DAPP1: variants seen among roughly 807,000 people sequenced by gnomAD.
The protein encoded by DAPP1 is dual adapter for phosphotyrosine and 3-phosphotyrosine and 3-phosphoinositide.
A neutral mutation model predicts 41.5 loss-of-function variants in DAPP1; 20 were observed. That is an observed-to-expected ratio of 0.48 (90% CI 0.34 to 0.70). DAPP1 has a LOEUF of 0.70. Among genes scored for constraint, DAPP1 ranks in the 30% least tolerant of loss-of-function variants. The probability of loss-of-function intolerance (pLI) is 0.01; values close to 1 mark genes in which losing one functional copy is unlikely to be tolerated. For synonymous variants in DAPP1, 113 were observed against 116.2 expected (o/e 0.97, Z 0.18); for missense variants, 233 against 333.4 (o/e 0.70, Z 2.35).
intron 4 of DAPP1, among the ~76,000 whole-genome samples, chr4:99,860,736 A>C (rs1724208170): frequency 6.6e-6 from 1 of 152,188 alleles, no homozygotes; most frequent in South Asian, 2.1e-4. Context: ...AATTTTTGTT[A>C]ATTTTGTTTC....
chr4:99,868,229 A>G lies in DAPP1; in HGVS notation c.*44A>G. 3.3e-6 allele frequency: 5 copies of G among 1,528,670 alleles called. No individual in the cohort carries two copies. Among genetic ancestry groups the G allele is most frequent in the Non-Finnish European group, 4.5e-6 (5 of 1,102,390 alleles). The allele number at this position is 1,528,670 out of a possible 1,614,324, so 94.7% of individuals were successfully genotyped here. On this transcript the variant is annotated 3_prime_UTR_variant, in exon 9 of 9. Transcript: ENST00000512369. ...TGCTCTGGCCCAGGAGCAAGGTGGA[A>G]TGTTTCCCTGACGCTGTGATCTGCA...
intron 3 of DAPP1, among the ~76,000 whole-genome samples, chr4:99,841,341 G>A (rs1723489920): frequency 6.6e-6 from 1 of 152,196 alleles, no homozygotes; most frequent in Non-Finnish European, 1.5e-5. Context: ...TCCCTGATGT[G>A]ACTCACACAG....
At chr4:99,822,711 CA>C (rs143752878) in intron 1 of DAPP1, among the ~76,000 whole-genome samples, 1,743 of 152,266 alleles carry the variant, frequency 0.011, 41 homozygotes, top group African/African-American at 0.039. Flanking sequence ...TGAGAAGCTT[CA>C]ACTTGGCTTT....
At chr4:99,834,567 C>A (rs896289540) in intron 1 of DAPP1, among the ~76,000 whole-genome samples, 1 of 152,126 alleles carries the variant, frequency 6.6e-6, no homozygotes, top group Non-Finnish European at 1.5e-5. Context: ...ATGACAATAG[C>A]CTTTAGTATT....
chr4:99,857,579 G>T (rs1724087505), intron 4 of DAPP1, among the ~76,000 whole-genome samples: 1 of 150,820 alleles, frequency 6.6e-6, no homozygotes, highest in Non-Finnish European at 1.5e-5. Context: ...CCTCTTCTTG[G>T]ATACTTTCCT....
chr4:99,822,177 G>A (rs1051726474), intron 1 of DAPP1, among the ~76,000 whole-genome samples: 2 of 152,178 alleles, frequency 1.3e-5, no homozygotes, highest in African/African-American at 4.8e-5. Flanking sequence ...TTCCTCCAAA[G>A]GGTGACTTCC....
At chr4:99,847,212 G>A (rs1445121741) in intron 3 of DAPP1, among the ~76,000 whole-genome samples, 1 of 152,146 alleles carries the variant, frequency 6.6e-6, no homozygotes, top group African/African-American at 2.4e-5. Flanking sequence ...TGACCTCACT[G>A]CATAAAATAA....
rs558676806 is a variant in DAPP1 at position 99,838,655 on chromosome 4, G to T, written c.225-1634G>T. 2.0e-5 allele frequency among the ~76,000 whole-genome samples: 3 copies of T among 152,292 alleles called. No individual in the cohort carries two copies. In the East Asian group the frequency reaches 5.8e-4, roughly 29 times the overall value. ...TGATCTGACAGGAGGCAGAGCTCAG[G>T]CAGTAATGCTTGCTCACCCACTGCT... is the stretch of plus-strand genomic sequence containing the variant. On this transcript the variant is annotated intron_variant, in intron 2 of 8. Transcript: ENST00000512369.
chr4:99,825,296 C>A (rs28500755), intron 1 of DAPP1, among the ~76,000 whole-genome samples: 11,457 of 152,206 alleles, frequency 0.075, 489 homozygotes, highest in Middle Eastern at 0.14. Context: ...ATCTCTGAGT[C>A]TCCATGTCTG....
At chr4:99,817,306 T>C (rs1242406895) in intron 1 of DAPP1, among the ~76,000 whole-genome samples, 4 of 152,186 alleles carry the variant, frequency 2.6e-5, no homozygotes, top group Non-Finnish European at 5.9e-5. Flanking sequence ...AGAATTGGGA[T>C]ATAGAGGTGA....
chr4:99,840,561 TA>T, intron 3 of DAPP1, 139 bp downstream of exon 3: 5 of 1,061,916 alleles, frequency 4.7e-6, no homozygotes, highest in Non-Finnish European at 6.6e-6. Context: ...GTATTTTGTA[TA>T]AAGTAGATAT....
intron 1 of DAPP1, 134 bp downstream of exon 1, chr4:99,817,148 ACTTTATTCAT>A: frequency 1.7e-6 from 1 of 586,744 alleles, no homozygotes; most frequent in Non-Finnish European, 2.9e-6. Context: ...ATTTTTTTCC[ACTTTATTCAT>A]TTGTATCTGT....
chr4:99,820,578 C>T (rs1722738840), intron 1 of DAPP1, among the ~76,000 whole-genome samples: 1 of 152,070 alleles, frequency 6.6e-6, no homozygotes, highest in Non-Finnish European at 1.5e-5. Context: ...TTGGCCAGTG[C>T]CAAAGAACTA....
At chr4:99,832,237 T>A (rs1162698671) in intron 1 of DAPP1, among the ~76,000 whole-genome samples, 1 of 152,158 alleles carries the variant, frequency 6.6e-6, no homozygotes, top group Non-Finnish European at 1.5e-5. Context: ...GCAGAAAAGG[T>A]TGATTATGGG....
chr4:99,853,101 C>A, intron 3 of DAPP1, 117 bp from the exon 4 acceptor site: 1 of 1,146,438 alleles, frequency 8.7e-7, no homozygotes, highest in Non-Finnish European at 1.2e-6. Context: ...AGATAATGAG[C>A]GAGGGAATAC....
chr4:99,849,309 G>A (rs1177578575), intron 3 of DAPP1, among the ~76,000 whole-genome samples: 1 of 152,176 alleles, frequency 6.6e-6, no homozygotes, highest in African/African-American at 2.4e-5. Flanking sequence ...CAGGCCTGGA[G>A]AATTGTGGAC....
At chr4:99,828,795 T>C (rs778795225) in intron 1 of DAPP1, among the ~76,000 whole-genome samples, 2 of 152,214 alleles carry the variant, frequency 1.3e-5, no homozygotes, top group Non-Finnish European at 2.9e-5. Context: ...TCAAGTTGAA[T>C]TGCTGGTTTT....
intron 1 of DAPP1, among the ~76,000 whole-genome samples, chr4:99,824,048 T>C (rs1722859394): frequency 6.6e-6 from 1 of 152,274 alleles, no homozygotes; most frequent in Non-Finnish European, 1.5e-5. Context: ...CTGGGTTTCA[T>C]GTTACTGCTC....
intron 3 of DAPP1, 51 bp downstream of exon 3, chr4:99,840,473 G>A: frequency 1.3e-6 from 2 of 1,570,086 alleles, no homozygotes; most frequent in Non-Finnish European, 1.7e-6. Flanking sequence ...CGGGATGGAG[G>A]AGAGACAAGG....
Sources: allele counts gnomAD v4.1 joint callset (sites outside exome capture counted in the v4.1 genomes callset), GRCh38; gene constraint gnomAD v4.1.1; transcripts MANE v1.5; gene names NCBI Gene and HGNC (gene_info 2026-07-23, HGNC 2026-07-21).